Variants in DOCK10 observed in about 807,000 individuals in gnomAD.
The protein encoded by DOCK10 is dedicator of cytokinesis protein 10.
DOCK10 carries 145 observed loss-of-function variants against 280.1 expected under a neutral mutation model. The ratio of observed to expected loss-of-function variants is 0.52; its 90% CI spans 0.45 to 0.59. The LOEUF is 0.59. DOCK10 is among the 20% of genes least tolerant of loss of function. DOCK10 has a pLI of 0.00. For synonymous variants in DOCK10, 915 were observed against 942.2 expected (o/e 0.97, Z 0.53); for missense variants, 2,368 against 2,651.7 (o/e 0.89, Z 2.35).
At chr2:224,780,424 T>G (rs779252884) in intron 50 of DOCK10, among the ~76,000 whole-genome samples, 1 of 152,220 alleles carries the variant, frequency 6.6e-6, no homozygotes, top group Non-Finnish European at 1.5e-5. Flanking sequence ...GGGCTAAAGC[T>G]GAAGCAACAT....
intron 22 of DOCK10, among the ~76,000 whole-genome samples, chr2:224,842,511 T>C (rs918276899): frequency 1.3e-5 from 2 of 152,188 alleles, no homozygotes; most frequent in African/African-American, 4.8e-5. Context: ...ACTCTGAATG[T>C]TTCCCTGGCT....
Position 224,816,694 on chromosome 2 carries a change from A to G in DOCK10, c.3287T>C (p.Phe1096Ser). 6.2e-7 allele frequency: 1 copy of G among 1,601,976 alleles called. No individual in the cohort carries two copies. Among genetic ancestry groups the G allele is most frequent in the East Asian group, 2.2e-5 (1 of 44,750 alleles). ...GDLKTLCQYK[F>S]DFLQEVCQHE... ...TTGACATACTTCTTGAAGAAAATCA[A>G]ATTTATACTGGCACAAGGTCTGAAA... The change falls in exon 30 of 56, where the codon TTT becomes TCT. Residue 1096 changes from phenylalanine (F) to serine (S), a missense_variant. Coordinates refer to ENST00000258390, the MANE Select transcript of DOCK10 (RefSeq NM_014689.3).
intron 5 of DOCK10, 55 bp downstream of exon 5, chr2:224,886,404 A>C: frequency 6.4e-7 from 1 of 1,556,630 alleles, no homozygotes; most frequent in African/African-American, 1.4e-5. Context: ...TCAGTGCAAG[A>C]CAGAAACTAA....
intron 1 of DOCK10, among the ~76,000 whole-genome samples, chr2:224,975,777 A>G (rs895710085): frequency 1.3e-5 from 2 of 152,202 alleles, no homozygotes; most frequent in East Asian, 1.9e-4. Context: ...TTGCTTCCTT[A>G]TATGAGGTTC....
At chr2:225,021,388 C>T (rs1021167267) in intron 1 of DOCK10, among the ~76,000 whole-genome samples, 3 of 152,122 alleles carry the variant, frequency 2.0e-5, no homozygotes, top group African/African-American at 7.2e-5. Flanking sequence ...ATGGTTCTAC[C>T]CACCCAGGAG....
chr2:224,867,641 G>A (rs1698014723), intron 11 of DOCK10, among the ~76,000 whole-genome samples: 1 of 152,202 alleles, frequency 6.6e-6, no homozygotes, highest in Admixed American at 6.5e-5. Context: ...GGTAGGGTGT[G>A]TGACATGTGC....
In DOCK10 at chr2:224,931,550, GA is replaced by G; in HGVS notation, c.241del (p.Ser81GlnfsTer43). On this transcript the variant is annotated frameshift_variant and splice_region_variant, in exon 2 of 56. Coordinates refer to ENST00000258390, the MANE Select transcript of DOCK10 (RefSeq NM_014689.3). LOFTEE classifies it high-confidence loss of function. The stretch of plus-strand genomic sequence containing the variant: ...ATGGCTTGAGAAGAGAAGACTTACT[GA>G]AAAGTCATCACTGGGGAAGAACAAG... ...DLLFFPSDDFSAATVSWDIRT... is the reference protein window; with the variant it reads ...DLLFFPSDDFXAATVSWDIRT... 1 of 1,606,456 alleles carries G rather than the reference GA, an allele frequency of 6.2e-7. No homozygotes were observed. Among genetic ancestry groups the G allele is most frequent in the Non-Finnish European group, 8.5e-7 (1 of 1,176,352 alleles).
In DOCK10 at chr2:224,770,875, C is replaced by G. The variant is rs1304795860; in HGVS notation, c.6205-230G>C. On this transcript the variant is annotated intron_variant, in intron 53 of 55. Coordinates refer to ENST00000258390, the MANE Select transcript of DOCK10 (RefSeq NM_014689.3). The surrounding 1 kb of genome is among the most constrained non-coding windows in gnomAD (Gnocchi z 4.5). Reference sequence around the variant, plus strand: ...AACTTCCCAAATTTCAGTCCTTTGCCAACCCCTTCACATTTTTTTTTTTTG... The same window carrying G: ...AACTTCCCAAATTTCAGTCCTTTGCGAACCCCTTCACATTTTTTTTTTTTG... Among the ~76,000 whole-genome samples the G allele has an allele frequency of 6.6e-6, 1 of 151,162 alleles. No individual in the cohort carries two copies. The highest frequency in any genetic ancestry group is 1.5e-5 in the Non-Finnish European group (1 of 68,016).
chr2:224,916,832 C>T (rs371920469), intron 2 of DOCK10, 48 bp from the exon 3 acceptor site: 7 of 1,431,442 alleles, frequency 4.9e-6, no homozygotes, highest in Non-Finnish European at 6.8e-6. Context: ...TTAGAAGTGT[C>T]GAGCAGACCA....
intron 1 of DOCK10, among the ~76,000 whole-genome samples, chr2:225,009,493 A>T (rs1345025007): frequency 6.6e-6 from 1 of 152,204 alleles, no homozygotes; most frequent in Non-Finnish European, 1.5e-5. Flanking sequence ...TCTTCATGCA[A>T]AAAGATCTGT....
chr2:224,997,178 G>C (rs1166064457), intron 1 of DOCK10, among the ~76,000 whole-genome samples: 1 of 151,658 alleles, frequency 6.6e-6, no homozygotes, highest in Non-Finnish European at 1.5e-5. Context: ...ACTGCCTTTG[G>C]GGTTGGGGTT....
At chr2:224,940,038 T>G (rs1385753280) in intron 1 of DOCK10, among the ~76,000 whole-genome samples, 1 of 152,202 alleles carries the variant, frequency 6.6e-6, no homozygotes, top group Non-Finnish European at 1.5e-5. Context: ...TGGATTTGAC[T>G]AATGAAAGCG....
intron 1 of DOCK10, among the ~76,000 whole-genome samples, chr2:225,017,018 C>T (rs1031977120): frequency 8.6e-5 from 13 of 151,612 alleles, no homozygotes; most frequent in East Asian, 5.9e-4. Context: ...CCACTGCGCC[C>T]GGCCGCCTCT....
rs76798202 is a variant in DOCK10 at position 224,770,406 on chromosome 2, C to T, written c.6306-57G>A. ...CAGCCCTCGGAAGTGGCATTGAGCTCAGTGACTGTGAGTTCAGAGTCAGGC... is the reference window on the plus strand; with the variant it reads ...CAGCCCTCGGAAGTGGCATTGAGCTTAGTGACTGTGAGTTCAGAGTCAGGC... On this transcript the variant is annotated intron_variant, in intron 54 of 55. Transcript: ENST00000258390. This position sits in a 1 kb window ranked among gnomAD's most constrained non-coding sequence, Gnocchi z 4.5. The T allele has an allele frequency of 3.8e-6, 6 of 1,562,106 alleles. No individual in the cohort carries two copies. The Admixed American group carries it at 7.5e-5, about 19-fold the overall frequency.
intron 1 of DOCK10, among the ~76,000 whole-genome samples, chr2:225,041,700 C>T (rs1690427945): frequency 6.6e-6 from 1 of 152,182 alleles, no homozygotes; most frequent in Non-Finnish European, 1.5e-5. Flanking sequence ...GGTTTTTACC[C>T]TGCGGTGGGA....
intron 25 of DOCK10, among the ~76,000 whole-genome samples, chr2:224,835,104 T>C (rs985095554): frequency 6.6e-6 from 1 of 152,244 alleles, no homozygotes; most frequent in African/African-American, 2.4e-5. Context: ...TTAAACTTTG[T>C]AGCACATTGG....
chr2:224,799,016 A>ATAATTG (rs1485398382), intron 41 of DOCK10, among the ~76,000 whole-genome samples: 2 of 152,258 alleles, frequency 1.3e-5, no homozygotes. Flanking sequence ...TTATTGAAGT[A>ATAATTG]TAATTGACAT....
In DOCK10 at chr2:224,807,669, T is replaced by C. The variant is rs1693488894; in HGVS notation, c.3701A>G (p.Gln1234Arg). 2.0e-6 allele frequency: 3 copies of C among 1,528,958 alleles called. No homozygotes were observed. Among genetic ancestry groups the C allele is most frequent in the African/African-American group, 1.4e-5 (1 of 72,596 alleles). 94.7% of individuals were successfully genotyped at this position (1,528,958 alleles called of 1,614,324 possible). The change falls in exon 33 of 56, where the codon CAG (glutamine) becomes CGG (arginine). Residue 1234 changes from glutamine (Q) to arginine (R), a missense_variant and splice_region_variant. Physicochemically the swap from Gln to Arg is conservative, Grantham distance 43 (BLOSUM62 1). Around this residue, in one of 2 missense-constraint regions of DOCK10, gnomAD observed 1,159 missense variants for 1,400.8 expected, o/e 0.83. Transcript: ENST00000258390. ...LYPFTVNTSN[Q>R]GSRDDLSTNG... ...ATGTGACATATTGTGCAAACGTACC[T>C]GATTAGATGTATTGACAGTAAAAGG... is the stretch of plus-strand genomic sequence containing the variant.
At chr2:224,835,889 T>C (rs1695561527) in intron 25 of DOCK10, among the ~76,000 whole-genome samples, 1 of 152,218 alleles carries the variant, frequency 6.6e-6, no homozygotes, top group Non-Finnish European at 1.5e-5. Flanking sequence ...TCCTGTATTA[T>C]AAAGTGAGAT....
Sources: gnomAD v4.1 joint callset for allele counts (sites outside exome capture counted in the v4.1 genomes callset) on GRCh38, gnomAD v4.1.1 for gene constraint, gnomAD v4.1.1 regional missense constraint, Gnocchi (gnomAD v3.1) non-coding constraint, MANE v1.5 for transcripts, NCBI Gene and HGNC (gene_info 2026-07-23, HGNC 2026-07-21) for gene names.